The following NALF1 variants were observed in gnomAD, a reference collection of about 807,000 sequenced individuals.
NALF1 encodes the protein NALCN channel auxiliary factor 1, also known as family with sequence similarity 155 member A.
In NALF1, 3 loss-of-function variants were observed where a neutral mutation model predicts 48.4. That is an observed-to-expected ratio of 0.06 (90% CI 0.03 to 0.16). NALF1 has a LOEUF of 0.16. Among genes scored for constraint, NALF1 ranks in the 10% least tolerant of loss-of-function variants. The pLI is 1.00. For synonymous variants in NALF1, 262 were observed against 245.7 expected (o/e 1.07, Z -0.62); for missense variants, 526 against 571.5 (o/e 0.92, Z 0.81).
chr13:107,299,800 AT>A (rs1305181069), intron 1 of NALF1, among the ~76,000 whole-genome samples: 1 of 151,554 alleles, frequency 6.6e-6, no homozygotes, highest in African/African-American at 2.4e-5. Flanking sequence ...TCATTGTTTG[AT>A]TGCTTAATTG....
chr13:107,173,294 C>T (rs1040330650), intron 2 of NALF1, among the ~76,000 whole-genome samples: 1 of 152,164 alleles, frequency 6.6e-6, no homozygotes, highest in African/African-American at 2.4e-5. Context: ...CCCCCCAAAC[C>T]CTCACCCATT....
At chr13:107,418,022 T>C (rs940493019) in intron 1 of NALF1, among the ~76,000 whole-genome samples, 1 of 152,154 alleles carries the variant, frequency 6.6e-6, no homozygotes, top group Admixed American at 6.6e-5. Flanking sequence ...GATCACGCCA[T>C]TGAACTCCAG....
intron 1 of NALF1, among the ~76,000 whole-genome samples, chr13:107,287,390 C>A (rs1594104958): frequency 6.6e-6 from 1 of 152,204 alleles, no homozygotes; most frequent in Non-Finnish European, 1.5e-5. Context: ...AGCAGCGACA[C>A]ACACAAATGC....
intron 2 of NALF1, among the ~76,000 whole-genome samples, chr13:107,181,787 A>G (rs1010640221): frequency 2.0e-5 from 3 of 152,240 alleles, no homozygotes; most frequent in African/African-American, 7.2e-5. Flanking sequence ...GTTCATAAAC[A>G]CATTTCACTA....
At chr13:107,230,661 A>G (rs566394617) in intron 1 of NALF1, among the ~76,000 whole-genome samples, 17 of 152,358 alleles carry the variant, frequency 1.1e-4, no homozygotes, top group African/African-American at 3.4e-4. Flanking sequence ...AAGAGAAAAT[A>G]GAAGCACAGA....
At chr13:107,697,792 TCTGA>T (rs1325295274) in intron 1 of NALF1, among the ~76,000 whole-genome samples, 4 of 152,170 alleles carry the variant, frequency 2.6e-5, no homozygotes, top group Non-Finnish European at 4.4e-5. Context: ...TATTCTTGAC[TCTGA>T]CTAACACTTT....
At chr13:107,432,292 A>C (rs1214706089) in intron 1 of NALF1, among the ~76,000 whole-genome samples, 1 of 151,896 alleles carries the variant, frequency 6.6e-6, no homozygotes, top group Non-Finnish European at 1.5e-5. Context: ...TGATCCAAAC[A>C]CCTCCCACCA....
Position 107,282,557 on chromosome 13 carries a change from G to A in NALF1, c.916-71802C>T, listed in dbSNP as rs1033414570. Among the ~76,000 whole-genome samples, 5 of 152,268 alleles carry A rather than the reference G, an allele frequency of 3.3e-5. No individual in the cohort carries two copies. The South Asian group carries it at 8.3e-4, about 25-fold the overall frequency. ...AGTAGGGTTAGACTTTTTAACCAGT[G>A]GAGTAGTGCAGTAATGACAGAGTGC... On this transcript the variant is annotated intron_variant, in intron 1 of 2. Coordinates refer to ENST00000375915, the MANE Select transcript of NALF1 (RefSeq NM_001080396.3).
intron 1 of NALF1, among the ~76,000 whole-genome samples, chr13:107,845,365 G>T (rs781194284): frequency 1.3e-5 from 2 of 152,150 alleles, no homozygotes; most frequent in Non-Finnish European, 2.9e-5. Context: ...TGTCCAGTGT[G>T]TGCTGTGGAA....
intron 1 of NALF1, among the ~76,000 whole-genome samples, chr13:107,317,070 A>T (rs778025862): frequency 9.9e-5 from 15 of 152,138 alleles, no homozygotes; most frequent in Non-Finnish European, 1.8e-4. Flanking sequence ...AACTTGCCTA[A>T]CATTATTGTA....
intron 1 of NALF1, among the ~76,000 whole-genome samples, chr13:107,809,808 A>G (rs1878931577): frequency 6.6e-6 from 1 of 152,128 alleles, no homozygotes; most frequent in Admixed American, 6.6e-5. Flanking sequence ...ATACTCATGG[A>G]AACGTCCACC....
rs988422938 is a variant in NALF1 at position 107,339,604 on chromosome 13, T to C, written c.916-128849A>G. Among the ~76,000 whole-genome samples the C allele has an allele frequency of 2.0e-5, 3 of 152,296 alleles. No individual in the cohort carries two copies. The South Asian group carries it at 6.2e-4, about 32-fold the overall frequency. ...ACCCCAAAAGAAGCAGAGGAGTATG[T>C]GATTTCTAGGAGCACTGGCACAGCG... On this transcript the variant is annotated intron_variant, in intron 1 of 2. Coordinates refer to ENST00000375915, the MANE Select transcript of NALF1 (RefSeq NM_001080396.3).
intron 1 of NALF1, among the ~76,000 whole-genome samples, chr13:107,221,913 A>C (rs1880002491): frequency 6.6e-6 from 1 of 152,214 alleles, no homozygotes; most frequent in South Asian, 2.1e-4. Flanking sequence ...TCTGGGGTTA[A>C]GCTTTGGGGA....
chr13:107,287,098 A>G (rs906761403), intron 1 of NALF1, among the ~76,000 whole-genome samples: 1 of 152,220 alleles, frequency 6.6e-6, no homozygotes, highest in African/African-American at 2.4e-5. Context: ...ATGCACGCAT[A>G]AACAGTATTC....
At position 107,764,673 on chromosome 13, in the gene NALF1, T is replaced by G. The variant is rs142570972; in HGVS notation, c.915+101009A>C. 3.4e-4 allele frequency among the ~76,000 whole-genome samples: 52 copies of G among 152,286 alleles called. No individual in the cohort carries two copies. In the East Asian group the frequency reaches 9.8e-3, roughly 29 times the overall value. On this transcript the variant is annotated intron_variant, in intron 1 of 2. Coordinates refer to ENST00000375915, the MANE Select transcript of NALF1 (RefSeq NM_001080396.3). ...TCTGTGTTGTCAAGCGTGGAATGCA[T>G]CATGGTTAATATTGAGAAGTCTCTC...
intron 1 of NALF1, among the ~76,000 whole-genome samples, chr13:107,538,154 T>C (rs76764222): frequency 6.8e-4 from 104 of 152,286 alleles, no homozygotes; most frequent in African/African-American, 2.3e-3. Flanking sequence ...AAGACCACAA[T>C]TGACTTTCAA....
At chr13:107,757,434 T>TC (rs1327812122) in intron 1 of NALF1, among the ~76,000 whole-genome samples, 72 of 149,964 alleles carry the variant, frequency 4.8e-4, no homozygotes, top group African/African-American at 1.7e-3. Flanking sequence ...TTTTTTTTTT[T>TC]CAGTCAACAG....
intron 1 of NALF1, among the ~76,000 whole-genome samples, chr13:107,565,200 AT>A (rs1156600267): frequency 6.6e-6 from 1 of 151,518 alleles, no homozygotes; most frequent in African/African-American, 2.4e-5. Context: ...AAAGACAAAA[AT>A]GACCCCAAAT....
intron 1 of NALF1, among the ~76,000 whole-genome samples, chr13:107,622,805 G>A (rs1458200406): frequency 6.6e-6 from 1 of 152,094 alleles, no homozygotes; most frequent in Non-Finnish European, 1.5e-5. Context: ...TTAAGGAACA[G>A]TTCTCAGGAA....
Sources: allele counts gnomAD v4.1 joint callset (sites outside exome capture counted in the v4.1 genomes callset), GRCh38; gene constraint gnomAD v4.1.1; transcripts MANE v1.5; gene names NCBI Gene and HGNC (gene_info 2026-07-23, HGNC 2026-07-21).